The following CACNA2D1 variants were observed in gnomAD, a reference collection of about 807,000 sequenced individuals.
The protein encoded by CACNA2D1 is calcium voltage-gated channel auxiliary subunit alpha2delta 1, also known as voltage-dependent calcium channel subunit alpha-2/delta-1.
Under a neutral mutation model 171.5 loss-of-function variants are expected in CACNA2D1, and 53 were observed. That is an observed-to-expected ratio of 0.31 (90% CI 0.25 to 0.39). CACNA2D1 has a LOEUF of 0.39. CACNA2D1 is among the 10% of genes least tolerant of loss of function. The probability of loss-of-function intolerance (pLI) is 1.00; values close to 1 mark genes in which losing one functional copy is unlikely to be tolerated. For synonymous variants in CACNA2D1, 442 were observed against 443.1 expected, an observed-to-expected ratio of 1.00 and a Z score of 0.03; for missense variants, 903 against 1,299.8, an observed-to-expected ratio of 0.69 and a Z score of 4.69.
chr7:82,031,737 C>T (rs1183518733), intron 12 of CACNA2D1, among the ~76,000 whole-genome samples: 1 of 151,766 alleles, frequency 6.6e-6, no homozygotes, highest in Non-Finnish European at 1.5e-5. Context: ...ATTTTGTCAC[C>T]AAACCATCTG....
chr7:81,957,024 T>C (rs892650639), intron 38 of CACNA2D1, among the ~76,000 whole-genome samples: 2 of 152,112 alleles, frequency 1.3e-5, no homozygotes, highest in African/African-American at 4.8e-5. Context: ...AAGAATATTT[T>C]GAGAGTAAAA....
At chr7:82,029,620 A>T (rs1054064246) in intron 12 of CACNA2D1, 1 of 151,836 alleles carries the variant, frequency 6.6e-6, no homozygotes, top group Non-Finnish European at 1.5e-5. Context: ...GCTTTTGCTC[A>T]TATCACTTTA....
At chr7:82,257,403 CA>C (rs1404485745) in intron 3 of CACNA2D1, among the ~76,000 whole-genome samples, 1 of 152,180 alleles carries the variant, frequency 6.6e-6, no homozygotes, top group African/African-American at 2.4e-5. Context: ...CATCTATTTT[CA>C]GGGAAAAATG....
At chr7:82,100,044 C>A (rs1237367778) in intron 6 of CACNA2D1, among the ~76,000 whole-genome samples, 1 of 151,732 alleles carries the variant, frequency 6.6e-6, no homozygotes, top group African/African-American at 2.4e-5. Context: ...ACATCCTGCA[C>A]ATGTACCCTG....
chr7:82,410,416 T>G, intron 1 of CACNA2D1: 1 of 523,416 alleles, frequency 1.9e-6, no homozygotes, highest in Non-Finnish European at 2.5e-6. Flanking sequence ...ACTTCTGTAC[T>G]GCTATCTATC....
intron 18 of CACNA2D1, among the ~76,000 whole-genome samples, chr7:82,003,690 G>T (rs1200631950): frequency 6.7e-6 from 1 of 150,336 alleles, no homozygotes; most frequent in African/African-American, 2.4e-5. Context: ...TTTGGGTAAG[G>T]GTTAAGGTTT....
chr7:82,268,480 A>C (rs1338294736), intron 3 of CACNA2D1, among the ~76,000 whole-genome samples: 1 of 152,214 alleles, frequency 6.6e-6, no homozygotes, highest in Non-Finnish European at 1.5e-5. Flanking sequence ...TACTGGGGGC[A>C]ACCAAGTCAC....
intron 1 of CACNA2D1, among the ~76,000 whole-genome samples, chr7:82,356,260 CTT>C (rs1227743582): frequency 6.6e-6 from 1 of 152,164 alleles, no homozygotes; most frequent in East Asian, 1.9e-4. Context: ...GCCCCGCTAG[CTT>C]TTTCCTTTCA....
intron 12 of CACNA2D1, among the ~76,000 whole-genome samples, chr7:82,024,306 C>T (rs1325513584): frequency 6.6e-6 from 1 of 151,682 alleles, no homozygotes; most frequent in African/African-American, 2.4e-5. Context: ...CACATCCTCC[C>T]CAACACTTGT....
chr7:82,072,307 A>T (rs1808416904), intron 7 of CACNA2D1, among the ~76,000 whole-genome samples: 1 of 152,114 alleles, frequency 6.6e-6, no homozygotes, highest in African/African-American at 2.4e-5. Flanking sequence ...ATTAGACATT[A>T]TATGCTTGTA....
chr7:81,990,730 G>T (rs562890083), intron 21 of CACNA2D1, among the ~76,000 whole-genome samples: 1 of 152,108 alleles, frequency 6.6e-6, no homozygotes, highest in Non-Finnish European at 1.5e-5. Flanking sequence ...CCAACTTTCC[G>T]AAGCCCAGCC....
chr7:82,216,060 C>CT (rs1563212249), intron 3 of CACNA2D1, among the ~76,000 whole-genome samples: 1 of 152,144 alleles, frequency 6.6e-6, no homozygotes, highest in Non-Finnish European at 1.5e-5. Context: ...TCAGTTTACT[C>CT]TGTCACTTTA....
intron 4 of CACNA2D1, among the ~76,000 whole-genome samples, chr7:82,153,418 GTTTA>G (rs1273692401): frequency 6.6e-6 from 1 of 151,986 alleles, no homozygotes; most frequent in African/African-American, 2.4e-5. Context: ...TTTCTAATAA[GTTTA>G]ATCATTACAA....
At chr7:82,110,209 T>C (rs539465762) in intron 6 of CACNA2D1, among the ~76,000 whole-genome samples, 3 of 152,318 alleles carry the variant, frequency 2.0e-5, no homozygotes, top group African/African-American at 4.8e-5. Context: ...GATTGGATGT[T>C]TGTATACTCC....
chr7:82,286,683 T>G (rs1464896894), intron 3 of CACNA2D1, among the ~76,000 whole-genome samples: 1 of 152,182 alleles, frequency 6.6e-6, no homozygotes, highest in Non-Finnish European at 1.5e-5. Context: ...AGATCATGTC[T>G]CAATACCTCA....
intron 29 of CACNA2D1, 150 bp from the exon 30 acceptor site, chr7:81,967,813 T>A (rs1794868949): frequency 6.9e-6 from 4 of 577,074 alleles, no homozygotes; most frequent in African/African-American, 1.9e-5. Flanking sequence ...CTAATAGCTC[T>A]TAAACTATTA....
At chr7:82,258,375 T>C (rs1010156338) in intron 3 of CACNA2D1, among the ~76,000 whole-genome samples, 26 of 151,508 alleles carry the variant, frequency 1.7e-4, no homozygotes, top group African/African-American at 5.6e-4. Context: ...TCTGAAAACA[T>C]GTAAGGCCGT....
At chr7:82,110,633 C>T (rs537608310) in intron 6 of CACNA2D1, among the ~76,000 whole-genome samples, 2 of 152,278 alleles carry the variant, frequency 1.3e-5, no homozygotes, top group South Asian at 4.2e-4. Context: ...TCTGCTCTGG[C>T]CACAATGGTC....
intron 11 of CACNA2D1, among the ~76,000 whole-genome samples, chr7:82,037,283 A>G (rs1803396848): frequency 6.6e-6 from 1 of 152,142 alleles, no homozygotes; most frequent in Non-Finnish European, 1.5e-5. Flanking sequence ...GTTCAACACC[A>G]GCTTGGCCAA....
Sources: allele counts gnomAD v4.1 joint callset (sites outside exome capture counted in the v4.1 genomes callset), GRCh38; gene constraint gnomAD v4.1.1; transcripts MANE v1.5; gene names NCBI Gene and HGNC (gene_info 2026-07-23, HGNC 2026-07-21).